DNAH17: variants seen among roughly 807,000 people sequenced by gnomAD.
The protein encoded by DNAH17 is axonemal beta dynein heavy chain 17.
Under a neutral mutation model 485.6 loss-of-function variants are expected in DNAH17, and 376 were observed. The observed-to-expected ratio is 0.77, with a 90% CI of 0.71 to 0.84. The LOEUF (loss-of-function observed/expected upper bound fraction) is 0.84. Ranked by LOEUF, DNAH17 falls within the 40% of genes least tolerant of loss-of-function variation. The pLI, the probability that DNAH17 is intolerant of heterozygous loss-of-function variation, is 0.00. For synonymous variants in DNAH17, 3,031 were observed against 2,405.9 expected (o/e 1.26, Z -7.60); for missense variants, 6,370 against 5,839.3 (o/e 1.09, Z -2.96).
chr17:78,486,249 A>T lies in DNAH17; in HGVS notation c.7076T>A (p.Phe2359Tyr), dbSNP rs562014015. 8.2e-6 allele frequency: 13 copies of T among 1,593,924 alleles called. No homozygotes were observed. Among genetic ancestry groups the T allele is most frequent in the Non-Finnish European group, 1.1e-5 (13 of 1,166,926 alleles). The change falls in exon 45 of 81, where the codon TTC (phenylalanine) becomes TAC (tyrosine). Residue 2359 changes from phenylalanine to tyrosine, a missense_variant. Physicochemically the swap from Phe to Tyr is conservative, Grantham distance 22 (BLOSUM62 3). Coordinates refer to ENST00000389840, the MANE Select transcript of DNAH17 (RefSeq NM_173628.4). ...LYFVFTCFWA[F>Y]GGAMFQDQLV... ...CTGGTCCTGGAACATGGCGCCACCG[A>T]AGGCCCAGAAGCAGGTGAACACGAA...
intron 29 of DNAH17, 132 bp from the exon 30 acceptor site, chr17:78,506,978 T>C: frequency 7.5e-7 from 1 of 1,336,498 alleles, no homozygotes; most frequent in Non-Finnish European, 1.0e-6. Flanking sequence ...CTGGTTTAAT[T>C]CAGAATCTCC....
At chr17:78,530,709 G>C (rs1004699581) in intron 20 of DNAH17, among the ~76,000 whole-genome samples, 197 bp from the exon 21 acceptor site, 1 of 152,198 alleles carries the variant, frequency 6.6e-6, no homozygotes. Context: ...TCCAGCCCCA[G>C]AGTCTAGCCC....
rs1263549147 is a variant in DNAH17 at position 78,455,641 on chromosome 17, T to C, written c.10170+3A>G. 1 of 1,542,144 alleles carries C rather than the reference T, an allele frequency of 6.5e-7. No homozygotes were observed. Among genetic ancestry groups the C allele is most frequent in the African/African-American group, 1.4e-5 (1 of 72,698 alleles). ...CGCGCCTGGCCAGGACTCCACTCCT[T>C]ACCTTTAAGTTATGTATGTAAGGGA... On this transcript the variant is annotated splice_donor_region_variant and intron_variant, in intron 63 of 80. Coordinates refer to ENST00000389840, the MANE Select transcript of DNAH17 (RefSeq NM_173628.4).
intron 11 of DNAH17, among the ~76,000 whole-genome samples, chr17:78,562,934 A>T (rs2092188492): frequency 6.6e-6 from 1 of 152,248 alleles, no homozygotes; most frequent in Non-Finnish European, 1.5e-5. Flanking sequence ...AATCCAAGAG[A>T]GTTTCCCGGG....
In DNAH17 at chr17:78,568,329, C is replaced by T. The variant is rs552696585; in HGVS notation, c.1284+837G>A. Among the ~76,000 whole-genome samples, 23 of 152,252 alleles carry T rather than the reference C, an allele frequency of 1.5e-4. No homozygotes were observed. In the South Asian group the frequency reaches 4.4e-3, roughly 29 times the overall value. On this transcript the variant is annotated intron_variant, in intron 9 of 80. Transcript: ENST00000389840. ...ATTTTGAACTCCTGAGCGGGCCTCC[C>T]TCCCCTGCCCCCCAGGAGGTGTAGA... is the stretch of plus-strand genomic sequence containing the variant.
intron 51 of DNAH17, among the ~76,000 whole-genome samples, chr17:78,478,409 A>G (rs1268318510): frequency 6.6e-6 from 1 of 151,120 alleles, no homozygotes; most frequent in Non-Finnish European, 1.5e-5. Flanking sequence ...CACCATCACT[A>G]CCACTATCAC....
intron 25 of DNAH17, chr17:78,522,365 T>C: frequency 3.5e-6 from 1 of 282,310 alleles, no homozygotes; most frequent in Non-Finnish European, 7.1e-6. Context: ...GAAATTAAAA[T>C]GCTAGAGGAA....
intron 51 of DNAH17, chr17:78,478,739 A>G: frequency 5.1e-6 from 2 of 394,560 alleles, no homozygotes; most frequent in Non-Finnish European, 9.1e-6. Context: ...CACCACCATC[A>G]TCACCATCAC....
At position 78,439,665 on chromosome 17, in the gene DNAH17, C is replaced by CTTTTT. The variant is rs11399691; in HGVS notation, c.11678-453_11678-449dup. 2.1e-4 allele frequency among the ~76,000 whole-genome samples: 19 copies of CTTTTT among 92,214 alleles called. 1 individual carries two copies. Among genetic ancestry groups the CTTTTT allele is most frequent in the Admixed American group, 3.0e-4 (2 of 6,712 alleles). 60.5% of individuals were successfully genotyped at this position (92,214 alleles called of 152,430 possible). ...CGTTGTAGCATGTATCAGTACTTCACTTTTTTTTTTTTTTTTTTTTTTGAG... is the reference window on the plus strand; with the variant it reads ...CGTTGTAGCATGTATCAGTACTTCACTTTTTTTTTTTTTTTTTTTTTTTTTTTGAG... On this transcript the variant is annotated intron_variant, in intron 72 of 80. Coordinates refer to ENST00000389840, the MANE Select transcript of DNAH17 (RefSeq NM_173628.4).
At chr17:78,542,144 CTTTTTT>C (rs375269334) in intron 17 of DNAH17, among the ~76,000 whole-genome samples, 66 of 130,976 alleles carry the variant, frequency 5.0e-4, no homozygotes, top group African/African-American at 1.6e-3. Flanking sequence ...CCCTAAAATA[CTTTTTT>C]TTTTTTTTTT....
rs60587420 is a variant in DNAH17 at position 78,553,283 on chromosome 17, G to GTTTTTTTTTTTTTTTTTT, written c.2179-496_2179-479dup. ...AAATTACCCAGTCCCAGGTTTTTGTGTTTTTTTTTTTTTTTTTTTTTTTTT... is the reference window on the plus strand; with the variant it reads ...AAATTACCCAGTCCCAGGTTTTTGTGTTTTTTTTTTTTTTTTTTTTTTTTTTTTTTTTTTTTTTTTTTT... On this transcript the variant is annotated intron_variant, in intron 14 of 80. Transcript: ENST00000389840. Among the ~76,000 whole-genome samples the GTTTTTTTTTTTTTTTTTT allele has an allele frequency of 7.6e-4, 39 of 51,030 alleles. 11 individuals are homozygous for GTTTTTTTTTTTTTTTTTT. Among genetic ancestry groups the GTTTTTTTTTTTTTTTTTT allele is most frequent in the African/African-American group, 1.1e-3 (12 of 11,096 alleles). The allele number at this position is 51,030 out of a possible 152,430, so 33.5% of individuals were successfully genotyped here.
intron 44 of DNAH17, among the ~76,000 whole-genome samples, chr17:78,488,071 G>A (rs1346427983): frequency 7.0e-6 from 1 of 143,446 alleles, no homozygotes; most frequent in Non-Finnish European, 1.6e-5. Context: ...CTACGCAGAG[G>A]CTGCTGCTTT....
intron 1 of DNAH17, among the ~76,000 whole-genome samples, 171 bp from the exon 2 acceptor site, chr17:78,575,253 G>T (rs1438619245): frequency 6.6e-6 from 1 of 152,230 alleles, no homozygotes; most frequent in Non-Finnish European, 1.5e-5. Flanking sequence ...GCTTTAGCAG[G>T]TGCTGGCACC....
intron 60 of DNAH17, 55 bp downstream of exon 60, chr17:78,459,729 G>A: frequency 2.5e-6 from 4 of 1,598,842 alleles, no homozygotes; most frequent in Non-Finnish European, 3.4e-6. Flanking sequence ...ATCGTGCCTT[G>A]GCCTGATGGA....
chr17:78,495,838 C>G (rs756211044), intron 38 of DNAH17, 37 bp downstream of exon 38: 12 of 1,596,594 alleles, frequency 7.5e-6, no homozygotes, highest in Non-Finnish European at 9.4e-6. Context: ...GCCGGCCTGG[C>G]TCACTGCAGC....
chr17:78,551,696 G>T, intron 15 of DNAH17, 58 bp from the exon 16 acceptor site: 1 of 1,549,186 alleles, frequency 6.5e-7, no homozygotes, highest in Non-Finnish European at 8.9e-7. Context: ...GGGCGCGGTG[G>T]CTCAAGCTTG....
Position 78,500,357 on chromosome 17 carries a change from G to T in DNAH17, c.5588C>A (p.Ala1863Asp). The T allele has an allele frequency of 1.2e-6, 2 of 1,612,794 alleles. No homozygotes were observed. The highest frequency in any genetic ancestry group is 1.7e-6 in the Non-Finnish European group (2 of 1,179,492). ...GAAGACGTAGACCATGGTGCCCAGG[G>T]CTCTGCCCAGGTCCTTGGTCGTCTC... ...KTETTKDLGR[A>D]LGTMVYVFNC... The change falls in exon 36 of 81, where the codon GCC (alanine) becomes GAC (aspartate). Residue 1863 changes from alanine to aspartate, a missense_variant. Ala to Asp is a moderately radical substitution (Grantham distance 126, BLOSUM62 -2). Transcript: ENST00000389840.
intron 48 of DNAH17, 122 bp downstream of exon 48, chr17:78,484,746 C>CCGCCCT: frequency 3.4e-6 from 1 of 295,276 alleles, no homozygotes; most frequent in Non-Finnish European, 5.0e-6. Flanking sequence ...AGCACCCCCC[C>CCGCCCT]CACCGCCCCA....
chr17:78,453,346 C>A lies in DNAH17; in HGVS notation c.10526G>T (p.Gly3509Val). Residue 3509 changes from glycine (G) to valine (V), a missense_variant, in exon 65 of 81, where the codon GGA (glycine) becomes GTA (valine). Gly to Val is a moderately radical substitution (Grantham distance 109, BLOSUM62 -3). Coordinates refer to ENST00000389840, the MANE Select transcript of DNAH17 (RefSeq NM_173628.4). ...PLLGRNTIKK[G>V]KYIKIGDKEV... ...CACGGAGGCGGAAACAACTCACTTT[C>A]CCTTTTTAATCGTGTTCCTGCCCAG... 1 of 1,613,206 alleles carries A rather than the reference C, an allele frequency of 6.2e-7. No homozygotes were observed. The highest frequency in any genetic ancestry group is 8.5e-7 in the Non-Finnish European group (1 of 1,179,516).
Sources: allele counts gnomAD v4.1 joint callset (sites outside exome capture counted in the v4.1 genomes callset), GRCh38; gene constraint gnomAD v4.1.1; transcripts MANE v1.5; gene names NCBI Gene and HGNC (gene_info 2026-07-23, HGNC 2026-07-21).